NCOR2: variants seen among roughly 807,000 people sequenced by gnomAD.
The protein encoded by NCOR2 is CTG repeat protein 26.
In NCOR2, 81 loss-of-function variants were observed where a neutral mutation model predicts 262.9. The ratio of observed to expected loss-of-function variants is 0.31; its 90% CI spans 0.26 to 0.37. The LOEUF (loss-of-function observed/expected upper bound fraction) is 0.37, where lower values mean the gene tolerates loss of function less well. Among genes scored for constraint, NCOR2 ranks in the 10% least tolerant of loss-of-function variants. The probability of loss-of-function intolerance (pLI) is 1.00; values close to 1 mark genes in which losing one functional copy is unlikely to be tolerated. For synonymous variants in NCOR2, 1,659 were observed against 1,559.3 expected (o/e 1.06, Z -1.51); for missense variants, 3,385 against 3,621.4 (o/e 0.93, Z 1.68).
intron 28 of NCOR2, 171 bp from the exon 31 acceptor site, chr12:124,348,485 T>C (rs867936089): frequency 7.3e-5 from 63 of 860,870 alleles, no homozygotes; most frequent in African/African-American, 7.1e-4. Context: ...CTGCAGGCCC[T>C]GGGGGCCTGC....
At position 124,558,105 on chromosome 12, in the gene NCOR2, A is replaced by G. The variant is rs528368339; in HGVS notation, c.-165+9203T>C. 4.6e-5 allele frequency among the ~76,000 whole-genome samples: 7 copies of G among 152,002 alleles called. 1 individual carries two copies. The highest frequency in any genetic ancestry group is 4.6e-4 in the Admixed American group (7 of 15,266). ...AGACACTATAGCCACACTGGGGCCC[A>G]TGCTCCCTGATGGTCTCAGCAGGTA... On this transcript the variant is annotated intron_variant, in intron 1 of 32. Coordinates refer to the NCOR2 transcript ENST00000458234.
upstream of NCOR2, chr12:124,495,367 A>G: frequency 6.9e-7 from 1 of 1,442,256 alleles, no homozygotes; most frequent in Non-Finnish European, 9.1e-7. This position sits in a 1 kb window ranked among gnomAD's most constrained non-coding sequence, Gnocchi z 4.4. Context: ...CGTCACTGGC[A>G]CCTGCGGGAA....
intron 15 of NCOR2, 37 bp from the exon 18 acceptor site, chr12:124,398,218 G>A: frequency 6.2e-7 from 1 of 1,610,366 alleles, no homozygotes; most frequent in Non-Finnish European, 8.5e-7. Flanking sequence ...CAGGAGCCGG[G>A]AGAGGAGGCA....
At chr12:124,397,121 C>A (rs771611004) in intron 16 of NCOR2, among the ~76,000 whole-genome samples, 2 of 152,192 alleles carry the variant, frequency 1.3e-5, no homozygotes, top group Non-Finnish European at 2.9e-5. Context: ...GGGACAGGAG[C>A]AGGCCCCACC....
chr12:124,527,198 A>C (rs2050519620), intron 1 of NCOR2, among the ~76,000 whole-genome samples: 1 of 152,092 alleles, frequency 6.6e-6, no homozygotes, highest in Non-Finnish European at 1.5e-5. Context: ...GATGACAAAC[A>C]CGGCGCCCCG....
intron 7 of NCOR2, among the ~76,000 whole-genome samples, chr12:124,441,023 C>T (rs61529088): frequency 0.013 from 2,043 of 152,212 alleles, 52 homozygotes; most frequent in African/African-American, 0.047. Context: ...CAGGGCCAGT[C>T]CTGCAGGGTC....
At chr12:124,414,763 C>T (rs542035096) in intron 13 of NCOR2, among the ~76,000 whole-genome samples, 5 of 152,246 alleles carry the variant, frequency 3.3e-5, no homozygotes, top group Admixed American at 2.6e-4. Flanking sequence ...TGGGAAGACC[C>T]GGGTTCTCCA....
chr12:124,432,024 C>T lies in NCOR2; in HGVS notation c.883-1237G>A, dbSNP rs1485541807. Among the ~76,000 whole-genome samples, 2 of 151,478 alleles carry T rather than the reference C, an allele frequency of 1.3e-5. No individual in the cohort carries two copies. Among genetic ancestry groups the T allele is most frequent in the African/African-American group, 4.9e-5 (2 of 41,172 alleles). ...CATGCAGGCAGACATATGACAGACA[C>T]ACACACAGTCCATCACACAGGCAGG... On this transcript the variant is annotated intron_variant, in intron 8 of 46. Coordinates refer to ENST00000405201, the Ensembl canonical transcript of NCOR2. This position sits in a 1 kb window ranked among gnomAD's most constrained non-coding sequence, Gnocchi z 5.1.
intron 22 of NCOR2, among the ~76,000 whole-genome samples, chr12:124,357,842 G>GTT (rs1391817772): frequency 1.3e-5 from 2 of 151,776 alleles, no homozygotes; most frequent in Non-Finnish European, 2.9e-5. Context: ...GTGCATGTGT[G>GTT]TGTGAGTGCA....
chr12:124,386,441 G>A (rs1048616552), intron 16 of NCOR2, among the ~76,000 whole-genome samples: 2 of 152,086 alleles, frequency 1.3e-5, no homozygotes, highest in Non-Finnish European at 2.9e-5. Flanking sequence ...GGGGCCAGGA[G>A]CCTCCAGGCC....
chr12:124,329,985 G>A (rs2035044590), intron 44 of NCOR2, among the ~76,000 whole-genome samples: 3 of 152,304 alleles, frequency 2.0e-5, no homozygotes, highest in African/African-American at 7.2e-5. Flanking sequence ...TCCTAGTTGG[G>A]ACTCCCATTT....
chr12:124,379,275 C>A (rs867902116), intron 17 of NCOR2, among the ~76,000 whole-genome samples: 1 of 152,148 alleles, frequency 6.6e-6, no homozygotes, highest in Non-Finnish European at 1.5e-5. Context: ...TCCTGGGAAC[C>A]CCAGCTCCTC....
chr12:124,476,909 A>T (rs1328612103), intron 3 of NCOR2, among the ~76,000 whole-genome samples: 3 of 36,204 alleles, frequency 8.3e-5, no homozygotes, highest in East Asian at 7.1e-4. Context: ...TATTAAAAAA[A>T]AAAAAAAAAA....
intron 1 of NCOR2, among the ~76,000 whole-genome samples, chr12:124,509,198 T>G (rs1435629925): frequency 7.6e-6 from 1 of 131,848 alleles, no homozygotes; most frequent in Non-Finnish European, 1.6e-5. Context: ...TCAGGGAGGC[T>G]GACCCAGCCC....
At chr12:124,461,464 C>G (rs1030379196) in intron 5 of NCOR2, among the ~76,000 whole-genome samples, 21 of 152,238 alleles carry the variant, frequency 1.4e-4, no homozygotes, top group Admixed American at 1.1e-3. Context: ...CGTGGCCAGG[C>G]CTCCCATGCC....
Position 124,352,713 on chromosome 12 carries a change from A to G in NCOR2, c.3693+1380T>C, listed in dbSNP as rs533167138. ...TATTTTAGAGGTGCCATCTTCAGGG[A>G]CATGGACAGAGAACAGAAATCCAGC... is the stretch of plus-strand genomic sequence containing the variant. On this transcript the variant is annotated intron_variant, in intron 27 of 46. Transcript: ENST00000405201. Among the ~76,000 whole-genome samples, 12 of 152,336 alleles carry G rather than the reference A, an allele frequency of 7.9e-5. 1 individual carries two copies. The South Asian group carries it at 1.9e-3, about 24-fold the overall frequency.
intron 20 of NCOR2, among the ~76,000 whole-genome samples, chr12:124,369,097 G>C (rs1180460736): frequency 6.6e-6 from 1 of 152,194 alleles, no homozygotes; most frequent in Non-Finnish European, 1.5e-5. Context: ...CTTGCAATAA[G>C]CCATCCACGC....
chr12:124,493,459 G>T (rs1013966892), intron 1 of NCOR2, among the ~76,000 whole-genome samples: 3 of 152,220 alleles, frequency 2.0e-5, no homozygotes, highest in African/African-American at 7.2e-5. Flanking sequence ...CCCCTCGTGA[G>T]AATCTAGGAG....
At position 124,393,369 on chromosome 12, in the gene NCOR2, G is replaced by A. The variant is rs188633212; in HGVS notation, c.1876+4750C>T. 5.3e-5 allele frequency among the ~76,000 whole-genome samples: 8 copies of A among 152,326 alleles called. No homozygotes were observed. In the South Asian group the frequency reaches 6.2e-4, roughly 12 times the overall value. On this transcript the variant is annotated intron_variant, in intron 16 of 46. Coordinates refer to ENST00000405201, the Ensembl canonical transcript of NCOR2. ...AGCCCCAGGGCAGGCAGCCACAGCC[G>A]CATGCACACAAGAAGGGAGGTTGCT...
Sources: gnomAD v4.1 joint callset for allele counts (sites outside exome capture counted in the v4.1 genomes callset) on GRCh38, gnomAD v4.1.1 for gene constraint, Gnocchi (gnomAD v3.1) non-coding constraint, MANE v1.5 for transcripts, NCBI Gene and HGNC (gene_info 2026-07-23, HGNC 2026-07-21) for gene names.